Variants in ZFHX3 observed in about 807,000 individuals in gnomAD.
ZFHX3 encodes the protein zinc finger homeobox protein 3.
ZFHX3 carries 42 observed loss-of-function variants against 279.1 expected under a neutral mutation model. That is an observed-to-expected ratio of 0.15 (90% CI 0.12 to 0.19). The LOEUF (loss-of-function observed/expected upper bound fraction) is 0.19, where lower values mean the gene tolerates loss of function less well. ZFHX3 is among the 10% of genes least tolerant of loss of function. The pLI is 1.00. For missense variants in ZFHX3, 4,981 were observed against 4,754.0 expected (o/e 1.05, Z -1.40); for synonymous variants, 2,293 against 1,957.8 (o/e 1.17, Z -4.52).
rs79295114 is a variant in ZFHX3 at position 73,282,418 on chromosome 16, G to A, written c.-1193-25282C>T. Among the ~76,000 whole-genome samples, 59 of 152,220 alleles carry A rather than the reference G, an allele frequency of 3.9e-4. 1 individual carries two copies. The East Asian group carries it at 0.011, about 27-fold the overall frequency. ...TAACTTGCTTTTTATCTGTAATTCTGTTATCTCTTTGTTTTAGGGAATTCT... is the reference window on the plus strand; with the variant it reads ...TAACTTGCTTTTTATCTGTAATTCTATTATCTCTTTGTTTTAGGGAATTCT... On this transcript the variant is annotated intron_variant, in intron 4 of 17. Transcript: ENST00000641206.
chr16:73,171,716 C>A (rs1470371736), intron 5 of ZFHX3, among the ~76,000 whole-genome samples: 3 of 152,192 alleles, frequency 2.0e-5, no homozygotes, highest in African/African-American at 7.2e-5. Flanking sequence ...CATATATATT[C>A]TCTGCCTACA....
At chr16:73,874,416 C>A (rs998809362) in intron 1 of ZFHX3, among the ~76,000 whole-genome samples, 3 of 152,150 alleles carry the variant, frequency 2.0e-5, no homozygotes, top group African/African-American at 4.8e-5. Flanking sequence ...ATATCATACA[C>A]CCCAAGTCTG....
chr16:73,717,147 T>G (rs1034703493), intron 1 of ZFHX3, among the ~76,000 whole-genome samples: 1 of 152,218 alleles, frequency 6.6e-6, no homozygotes, highest in African/African-American at 2.4e-5. Flanking sequence ...AACGCAGTTA[T>G]ACCTGGGCTC....
intron 1 of ZFHX3, among the ~76,000 whole-genome samples, chr16:72,964,564 A>G (rs960822950): frequency 1.3e-5 from 2 of 151,812 alleles, no homozygotes; most frequent in Non-Finnish European, 2.9e-5. Context: ...TAAAACCATC[A>G]TTGAGACAGT....
chr16:73,308,824 A>G (rs1000350434), intron 4 of ZFHX3, among the ~76,000 whole-genome samples: 1 of 149,790 alleles, frequency 6.7e-6, no homozygotes, highest in African/African-American at 2.4e-5. Flanking sequence ...TTACTAAAAC[A>G]TATTATATAT....
chr16:73,360,202 A>G lies in ZFHX3; in HGVS notation c.-1290-41866T>C, dbSNP rs563470537. Among the ~76,000 whole-genome samples the G allele has an allele frequency of 6.6e-5, 10 of 152,368 alleles. No individual in the cohort carries two copies. The East Asian group carries it at 1.9e-3, about 29-fold the overall frequency. ...AATTAAACAGCAAGATACACGTGAC[A>G]ATAATAGTATAATAATAATTGCAAC... On this transcript the variant is annotated intron_variant, in intron 3 of 17. Transcript: ENST00000641206.
At chr16:73,841,957 G>C (rs568127976) in intron 1 of ZFHX3, among the ~76,000 whole-genome samples, 1 of 152,174 alleles carries the variant, frequency 6.6e-6, no homozygotes, top group Non-Finnish European at 1.5e-5. Flanking sequence ...GCTCACGCTG[G>C]TAATCCCAGC....
chr16:73,377,179 C>T (rs1415400453), intron 3 of ZFHX3, among the ~76,000 whole-genome samples: 1 of 152,074 alleles, frequency 6.6e-6, no homozygotes, highest in Non-Finnish European at 1.5e-5. Flanking sequence ...ACCATATTGG[C>T]CAGGCTGGTC....
At chr16:73,071,404 T>TGAGCGGAG (rs1283910986) in intron 8 of ZFHX3, among the ~76,000 whole-genome samples, 1 of 151,162 alleles carries the variant, frequency 6.6e-6, no homozygotes, top group Non-Finnish European at 1.5e-5. Context: ...CTCCTGGCCT[T>TGAGCGGAG]GAGCGGAGGG....
At chr16:73,032,830 A>G (rs1964758295) in intron 1 of ZFHX3, among the ~76,000 whole-genome samples, 1 of 152,166 alleles carries the variant, frequency 6.6e-6, no homozygotes, top group Non-Finnish European at 1.5e-5. Context: ...GGGGCCTAAT[A>G]CCCATTTGTA....
At chr16:73,243,744 T>TTTTG (rs112648845) in intron 5 of ZFHX3, among the ~76,000 whole-genome samples, 1 of 149,908 alleles carries the variant, frequency 6.7e-6, no homozygotes, top group African/African-American at 2.4e-5. Context: ...CCAACACGTT[T>TTTTG]TGTGTGTGTG....
chr16:73,439,199 A>C (rs1001100305), intron 3 of ZFHX3, among the ~76,000 whole-genome samples: 12 of 152,180 alleles, frequency 7.9e-5, no homozygotes, highest in Non-Finnish European at 1.6e-4. Context: ...ACTTGCTAGA[A>C]AGTTAGAAGA....
chr16:72,818,474 A>G (rs968510083), intron 5 of ZFHX3, among the ~76,000 whole-genome samples: 8 of 152,166 alleles, frequency 5.3e-5, no homozygotes, highest in African/African-American at 1.4e-4. Flanking sequence ...CCTCCCCCCA[A>G]TAGAGAGAAC....
rs554532447 is a variant in ZFHX3 at position 73,581,089 on chromosome 16, G to A, written c.-1547+99091C>T. Among the ~76,000 whole-genome samples, 48 of 151,824 alleles carry A rather than the reference G, an allele frequency of 3.2e-4. No homozygotes were observed. In the South Asian group the frequency reaches 3.9e-3, roughly 12 times the overall value. On this transcript the variant is annotated intron_variant, in intron 2 of 17. Transcript: ENST00000641206. ...CAGTGGACAGATCTAGGAAATGCTC[G>A]TCTTGCCTTTTCTAGAAAAATGTTC...
At chr16:73,019,450 G>A (rs1214122538) in intron 1 of ZFHX3, among the ~76,000 whole-genome samples, 1 of 152,172 alleles carries the variant, frequency 6.6e-6, no homozygotes, top group African/African-American at 2.4e-5. Context: ...CTTCCACCAA[G>A]TGTGAACACA....
intron 3 of ZFHX3, among the ~76,000 whole-genome samples, chr16:73,446,736 A>T (rs577473156): frequency 3.2e-4 from 48 of 152,266 alleles, no homozygotes; most frequent in Middle Eastern, 3.4e-3. Flanking sequence ...CCTACCGGAG[A>T]GTAGTGGGTG....
chr16:72,889,893 A>C lies in ZFHX3; in HGVS notation c.3286T>G (p.Ser1096Ala), dbSNP rs761873959. Residue 1096 changes from serine to alanine, a missense_variant, in exon 4 of 10, where the codon TCC becomes GCC. Ser to Ala is a moderately conservative substitution (Grantham distance 99). Around this residue, in one of 7 missense-constraint regions of ZFHX3, gnomAD observed 1,751 missense variants for 1,770.0 expected, o/e 0.99. Transcript: ENST00000268489. Reference sequence around the variant, plus strand: ...ATGAGGTTGAGCTTGGCCTTGGTGGAGTAGTTGCACAGAACGCAGTGGTAG... The same window carrying C: ...ATGAGGTTGAGCTTGGCCTTGGTGGCGTAGTTGCACAGAACGCAGTGGTAG... Reference protein sequence around the residue: ...CYYHCVLCNYSTKAKLNLIQH... With the variant: ...CYYHCVLCNYATKAKLNLIQH... 2 of 1,614,174 alleles carry C rather than the reference A, an allele frequency of 1.2e-6. No individual in the cohort carries two copies. The highest frequency in any genetic ancestry group is 1.7e-6 in the Non-Finnish European group (2 of 1,180,050).
intron 7 of ZFHX3, among the ~76,000 whole-genome samples, chr16:73,112,346 G>T (rs1966385095): frequency 6.6e-6 from 1 of 152,070 alleles, no homozygotes; most frequent in African/African-American, 2.4e-5. Context: ...GGCCTGTGAG[G>T]CAAGGAGCTT....
At chr16:72,903,028 C>G (rs948692978) in intron 3 of ZFHX3, among the ~76,000 whole-genome samples, 1 of 152,026 alleles carries the variant, frequency 6.6e-6, no homozygotes, top group South Asian at 2.1e-4. Flanking sequence ...GCACCCAGCC[C>G]GGTACTGCAG....
Sources: allele counts gnomAD v4.1 joint callset (sites outside exome capture counted in the v4.1 genomes callset), GRCh38; gene constraint gnomAD v4.1.1; regional missense constraint gnomAD v4.1.1; transcripts MANE v1.5; gene names NCBI Gene and HGNC (gene_info 2026-07-23, HGNC 2026-07-21).